ABTB3: variants seen among roughly 807,000 people sequenced by gnomAD.
ABTB3 encodes ankyrin repeat and BTB domain containing 3.
At chr12:107,409,616 A>G in the ABTB3 span, among the ~76,000 whole-genome samples, 1 of 152,174 alleles carries the variant, frequency 6.6e-6, no homozygotes, top group Admixed American at 6.5e-5. Flanking sequence ...AAAACCAAAC[A>G]CCGTATGTTC....
At chr12:107,484,433 T>C in the ABTB3 span, among the ~76,000 whole-genome samples, 1 of 152,074 alleles carries the variant, frequency 6.6e-6, no homozygotes, top group Non-Finnish European at 1.5e-5. Context: ...GTTCAAAGAA[T>C]AATAAAGTGA....
At chr12:107,444,735 A>G in the ABTB3 span, among the ~76,000 whole-genome samples, 1 of 152,230 alleles carries the variant, frequency 6.6e-6, no homozygotes, top group East Asian at 1.9e-4. Flanking sequence ...ATAAACTTCA[A>G]AAATACGCAC....
At chr12:107,519,082 G>C in the ABTB3 span, among the ~76,000 whole-genome samples, 1 of 152,072 alleles carries the variant, frequency 6.6e-6, no homozygotes, top group Non-Finnish European at 1.5e-5. Flanking sequence ...AGGTGTATCT[G>C]TTAGTTTTCA....
At chr12:107,457,665 C>T in the ABTB3 span, among the ~76,000 whole-genome samples, 2 of 152,218 alleles carry the variant, frequency 1.3e-5, no homozygotes, top group Non-Finnish European at 2.9e-5. Context: ...AATAACATGG[C>T]TCTCCTCAGC....
the ABTB3 span, among the ~76,000 whole-genome samples, chr12:107,611,169 C>T: frequency 1.3e-5 from 2 of 152,224 alleles, no homozygotes; most frequent in Middle Eastern, 3.4e-3. Context: ...TACACCTTGC[C>T]TTTTTCAATA....
At chr12:107,569,006 T>G in the ABTB3 span, among the ~76,000 whole-genome samples, 3 of 152,222 alleles carry the variant, frequency 2.0e-5, no homozygotes, top group Non-Finnish European at 2.9e-5. Flanking sequence ...GAAGCACACA[T>G]TTAACCCATT....
At chr12:107,502,916 G>T in the ABTB3 span, among the ~76,000 whole-genome samples, 1 of 152,180 alleles carries the variant, frequency 6.6e-6, no homozygotes, top group Non-Finnish European at 1.5e-5. Flanking sequence ...TGCTAAAAAG[G>T]CTGGGGACCG....
the ABTB3 span, among the ~76,000 whole-genome samples, chr12:107,415,728 A>C: frequency 6.7e-6 from 1 of 149,436 alleles, no homozygotes; most frequent in Non-Finnish European, 1.5e-5. Context: ...AACAAAACAA[A>C]AAAACAAAAA....
At chr12:107,339,903 C>T in the ABTB3 span, among the ~76,000 whole-genome samples, 2 of 152,182 alleles carry the variant, frequency 1.3e-5, no homozygotes, top group East Asian at 1.9e-4. Context: ...AAACCATTAC[C>T]TTTATATTCC....
chr12:107,390,833 C>T, the ABTB3 span, among the ~76,000 whole-genome samples: 5 of 152,284 alleles, frequency 3.3e-5, no homozygotes, highest in South Asian at 6.2e-4. Flanking sequence ...CTTCACAGGG[C>T]TATAAGCACT....
chr12:107,648,263 C>T, the ABTB3 span, among the ~76,000 whole-genome samples: 2 of 151,992 alleles, frequency 1.3e-5, no homozygotes, highest in African/African-American at 4.8e-5. Flanking sequence ...CACCTGTAGT[C>T]CCAGCTACTT....
At chr12:107,354,101 C>A in the ABTB3 span, among the ~76,000 whole-genome samples, 3 of 152,098 alleles carry the variant, frequency 2.0e-5, no homozygotes, top group Non-Finnish European at 4.4e-5. Context: ...ACCGCAAATA[C>A]GATACAGAAT....
the ABTB3 span, among the ~76,000 whole-genome samples, chr12:107,471,961 C>A: frequency 2.0e-5 from 3 of 152,120 alleles, no homozygotes; most frequent in Admixed American, 1.3e-4. Flanking sequence ...GAAAATGAAA[C>A]CCAAGGAAGG....
the ABTB3 span, among the ~76,000 whole-genome samples, chr12:107,534,878 A>T: frequency 6.6e-6 from 1 of 152,212 alleles, no homozygotes; most frequent in Non-Finnish European, 1.5e-5. Flanking sequence ...AAGAATTAAC[A>T]CCAATTTTTC....
chr12:107,423,630 G>A, the ABTB3 span, among the ~76,000 whole-genome samples: 1 of 152,120 alleles, frequency 6.6e-6, no homozygotes, highest in Non-Finnish European at 1.5e-5. Context: ...CAGAGGTCCC[G>A]ATTTGGAGCC....
chr12:107,361,708 G>A, the ABTB3 span, among the ~76,000 whole-genome samples: 1 of 152,140 alleles, frequency 6.6e-6, no homozygotes, highest in African/African-American at 2.4e-5. Flanking sequence ...CTGGGGGCAG[G>A]TCAGGGAGAT....
At chr12:107,350,426 G>A in the ABTB3 span, among the ~76,000 whole-genome samples, 2,481 of 152,042 alleles carry the variant, frequency 0.016, 29 homozygotes, top group Non-Finnish European at 0.026. Flanking sequence ...GGTGGGGGGC[G>A]CCGGTAGTCC....
chr12:107,624,799 C>T, the ABTB3 span, among the ~76,000 whole-genome samples: 8 of 152,256 alleles, frequency 5.3e-5, no homozygotes, highest in African/African-American at 7.2e-5. Context: ...CAAACATTTA[C>T]GCACAGGTTT....
At chr12:107,474,660 A>T in the ABTB3 span, among the ~76,000 whole-genome samples, 1 of 152,308 alleles carries the variant, frequency 6.6e-6, no homozygotes, top group Non-Finnish European at 1.5e-5. Flanking sequence ...CCCTGGAAGG[A>T]CAGGTAGAGA....
Sources: allele counts gnomAD v4.1 joint callset (sites outside exome capture counted in the v4.1 genomes callset), GRCh38; gene constraint gnomAD v4.1.1; transcripts MANE v1.5; gene names NCBI Gene and HGNC (gene_info 2026-07-23, HGNC 2026-07-21).